NRXN1: variants seen among roughly 807,000 people sequenced by gnomAD.
The protein encoded by NRXN1 is neurexin 1, also known as neurexin-1.
Under a neutral mutation model 150.9 loss-of-function variants are expected in NRXN1, and 39 were observed. The ratio of observed to expected loss-of-function variants is 0.26; its 90% CI spans 0.20 to 0.34. The LOEUF is 0.34. NRXN1 is among the 10% of genes least tolerant of loss of function. The pLI, the probability that NRXN1 is intolerant of heterozygous loss-of-function variation, is 1.00. For missense variants in NRXN1, 1,815 were observed against 1,949.9 expected, an observed-to-expected ratio of 0.93 and a Z score of 1.30; for synonymous variants, 924 against 757.0, an observed-to-expected ratio of 1.22 and a Z score of -3.62.
intron 5 of NRXN1, among the ~76,000 whole-genome samples, chr2:50,895,514 G>A (rs571295903): frequency 6.6e-6 from 1 of 151,778 alleles, no homozygotes; most frequent in Admixed American, 6.6e-5. Context: ...AAATGAGTGG[G>A]TCACTATAAA....
In NRXN1 at chr2:50,192,806, C is replaced by T. The variant is rs994300803; in HGVS notation, c.3546+43983G>A. On this transcript the variant is annotated intron_variant, in intron 18 of 22. Transcript: ENST00000401669. Reference sequence around the variant, plus strand: ...GTATTTTTTAGTAGAGACAAGGTTTCGCCATGTTGGCCAGACTGGTCTCAA... The same window carrying T: ...GTATTTTTTAGTAGAGACAAGGTTTTGCCATGTTGGCCAGACTGGTCTCAA... 3.3e-5 allele frequency among the ~76,000 whole-genome samples: 5 copies of T among 152,126 alleles called. No individual in the cohort carries two copies. In the South Asian group the frequency reaches 8.3e-4, roughly 25 times the overall value.
intron 17 of NRXN1, among the ~76,000 whole-genome samples, chr2:50,372,191 T>C (rs2080079122): frequency 6.6e-6 from 1 of 152,020 alleles, no homozygotes; most frequent in Non-Finnish European, 1.5e-5. Context: ...CACATTTCAG[T>C]TTGTCAGTAT....
chr2:50,424,799 G>T (rs1423772801), intron 17 of NRXN1, among the ~76,000 whole-genome samples: 2 of 152,084 alleles, frequency 1.3e-5, no homozygotes, highest in African/African-American at 4.8e-5. Context: ...CTCCTTCTTT[G>T]CTCTGATTCT....
chr2:50,074,319 C>A (rs998992825), intron 19 of NRXN1, among the ~76,000 whole-genome samples: 1 of 152,052 alleles, frequency 6.6e-6, no homozygotes, highest in Admixed American at 6.5e-5. Flanking sequence ...ATTTAAATCT[C>A]ACGAAATCTT....
At chr2:50,062,840 C>A (rs1466354602) in intron 19 of NRXN1, among the ~76,000 whole-genome samples, 2 of 152,134 alleles carry the variant, frequency 1.3e-5, no homozygotes, top group African/African-American at 2.4e-5. Flanking sequence ...ATATTAATAT[C>A]TATGGGGAAA....
At chr2:50,159,485 T>G in intron 18 of NRXN1, among the ~76,000 whole-genome samples, 1 of 152,176 alleles carries the variant, frequency 6.6e-6, no homozygotes, top group Non-Finnish European at 1.5e-5. Flanking sequence ...TAATTCAATT[T>G]GTATTGCAAT....
intron 5 of NRXN1, among the ~76,000 whole-genome samples, chr2:50,688,657 G>C (rs926924303): frequency 2.0e-5 from 3 of 152,092 alleles, no homozygotes; most frequent in Non-Finnish European, 4.4e-5. Context: ...TATCTTCTCA[G>C]GGACTTTCTT....
At chr2:50,814,522 A>C (rs181822825) in intron 5 of NRXN1, among the ~76,000 whole-genome samples, 45 of 152,278 alleles carry the variant, frequency 3.0e-4, no homozygotes, top group African/African-American at 1.1e-3. Context: ...AGAACAAAAA[A>C]GAAGAACCCT....
chr2:50,412,960 G>C (rs1366190319), intron 17 of NRXN1, among the ~76,000 whole-genome samples: 1 of 152,122 alleles, frequency 6.6e-6, no homozygotes, highest in Non-Finnish European at 1.5e-5. Flanking sequence ...TTAAATCTAA[G>C]ACCTCAAACT....
intron 8 of NRXN1, among the ~76,000 whole-genome samples, chr2:50,600,235 T>C (rs1201589917): frequency 1.3e-5 from 2 of 151,566 alleles, no homozygotes; most frequent in African/African-American, 2.4e-5. Flanking sequence ...CAGGGATAGA[T>C]ATATTATGAC....
intron 17 of NRXN1, among the ~76,000 whole-genome samples, chr2:50,265,026 G>GT (rs2068694103): frequency 6.6e-6 from 1 of 151,954 alleles, no homozygotes; most frequent in Non-Finnish European, 1.5e-5. Flanking sequence ...ATGTAGAAAG[G>GT]TTTTTTAAAG....
At chr2:50,070,388 G>A (rs1696066833) in intron 19 of NRXN1, among the ~76,000 whole-genome samples, 3 of 152,106 alleles carry the variant, frequency 2.0e-5, no homozygotes. Flanking sequence ...CTGTGATCAT[G>A]GGATCAGTAC....
intron 5 of NRXN1, among the ~76,000 whole-genome samples, chr2:50,836,648 T>C (rs185922492): frequency 6.6e-6 from 1 of 152,204 alleles, no homozygotes; most frequent in East Asian, 1.9e-4. Flanking sequence ...AATGACAGGA[T>C]TTCCTCCCCT....
chr2:50,973,908 C>A (rs1236437390), intron 2 of NRXN1, among the ~76,000 whole-genome samples: 2 of 151,942 alleles, frequency 1.3e-5, no homozygotes, highest in East Asian at 1.9e-4. Context: ...ATTAATTGAG[C>A]CCTGCATATT....
At chr2:50,358,043 C>G (rs2078943958) in intron 17 of NRXN1, among the ~76,000 whole-genome samples, 1 of 152,116 alleles carries the variant, frequency 6.6e-6, no homozygotes, top group African/African-American at 2.4e-5. Context: ...ATGGTGCTAT[C>G]CAGCCCACGC....
intron 8 of NRXN1, among the ~76,000 whole-genome samples, chr2:50,578,840 T>G (rs570929353): frequency 1.3e-5 from 2 of 152,256 alleles, no homozygotes; most frequent in African/African-American, 4.8e-5. Context: ...CATATTATTA[T>G]TATTTTGATT....
At chr2:50,409,842 T>C (rs981918392) in intron 17 of NRXN1, among the ~76,000 whole-genome samples, 9 of 152,212 alleles carry the variant, frequency 5.9e-5, no homozygotes, top group Admixed American at 1.3e-4. Flanking sequence ...CAATTCTTTA[T>C]AAGTGGACAC....
chr2:50,169,578 T>C (rs1301441001), intron 18 of NRXN1, among the ~76,000 whole-genome samples: 1 of 151,748 alleles, frequency 6.6e-6, no homozygotes, highest in African/African-American at 2.4e-5. Flanking sequence ...CTGGTCATGG[T>C]AGTGGGCACC....
At chr2:50,365,752 C>T (rs887346981) in intron 17 of NRXN1, among the ~76,000 whole-genome samples, 31 of 151,966 alleles carry the variant, frequency 2.0e-4, no homozygotes, top group Admixed American at 7.9e-4. Context: ...GCTATTAAGT[C>T]ATTGTTGAAC....
Sources: gnomAD v4.1 joint callset for allele counts (sites outside exome capture counted in the v4.1 genomes callset) on GRCh38, gnomAD v4.1.1 for gene constraint, MANE v1.5 for transcripts, NCBI Gene and HGNC (gene_info 2026-07-23, HGNC 2026-07-21) for gene names.